Variants in TLN2 observed in about 807,000 individuals in gnomAD.
TLN2 encodes talin 2, also known as talin-2.
In TLN2, 118 loss-of-function variants were observed where a neutral mutation model predicts 294.7. The observed-to-expected ratio is 0.40, with a 90% CI of 0.34 to 0.47. TLN2 has a LOEUF of 0.47. Ranked by LOEUF, TLN2 falls within the 20% of genes least tolerant of loss-of-function variation. The pLI is 0.84. For missense variants in TLN2, 3,083 were observed against 3,282.2 expected (o/e 0.94, Z 1.48); for synonymous variants, 1,431 against 1,304.5 (o/e 1.10, Z -2.09).
Position 62,792,525 on chromosome 15 carries a change from T to C in TLN2, c.5737-116T>C, listed in dbSNP as rs375226580. On this transcript the variant is annotated intron_variant, in intron 45 of 58. Coordinates refer to ENST00000636159, the MANE Select transcript of TLN2 (RefSeq NM_015059.3). ...ACCAAACACAGACTCCTAATAGGAG[T>C]GGAATTTTCCTAGCCAGGCTCCCAT... The C allele has an allele frequency of 2.2e-5, 30 of 1,381,920 alleles. No homozygotes were observed. The African/African-American group carries it at 4.2e-4, about 19-fold the overall frequency. 85.6% of individuals were successfully genotyped at this position (1,381,920 alleles called of 1,614,324 possible).
At chr15:62,405,633 A>T (rs1219523792) in intron 1 of TLN2, among the ~76,000 whole-genome samples, 2 of 152,132 alleles carry the variant, frequency 1.3e-5, no homozygotes, top group Non-Finnish European at 2.9e-5. Flanking sequence ...GAGGGCTTTT[A>T]TGAGTCCTCT....
At chr15:62,790,411 C>T (rs886584711) in intron 45 of TLN2, among the ~76,000 whole-genome samples, 1 of 152,218 alleles carries the variant, frequency 6.6e-6, no homozygotes, top group Non-Finnish European at 1.5e-5. Context: ...GAGTAGAGCA[C>T]TGTGCTCAGG....
At chr15:62,582,584 T>G (rs948394580) in intron 1 of TLN2, among the ~76,000 whole-genome samples, 1 of 152,088 alleles carries the variant, frequency 6.6e-6, no homozygotes, top group Non-Finnish European at 1.5e-5. Context: ...GACGGCATTG[T>G]AGACATGTAA....
At chr15:62,729,092 AG>A (rs767360538) in intron 28 of TLN2, among the ~76,000 whole-genome samples, 14 of 152,220 alleles carry the variant, frequency 9.2e-5, no homozygotes, top group Non-Finnish European at 1.6e-4. Context: ...CTGATTGAAA[AG>A]GCTACTTTTT....
chr15:62,589,162 G>A (rs1240205694), intron 1 of TLN2, among the ~76,000 whole-genome samples: 1 of 152,044 alleles, frequency 6.6e-6, no homozygotes, highest in Non-Finnish European at 1.5e-5. Context: ...ATTGATTATA[G>A]TGCTTCTCTG....
intron 1 of TLN2, among the ~76,000 whole-genome samples, chr15:62,529,453 A>G (rs1021452242): frequency 6.6e-6 from 1 of 151,410 alleles, no homozygotes; most frequent in African/African-American, 2.4e-5. Flanking sequence ...GAGAACTCGT[A>G]TTGCAACTTT....
At chr15:62,742,154 T>G (rs180884911) in intron 32 of TLN2, among the ~76,000 whole-genome samples, 25 of 151,286 alleles carry the variant, frequency 1.7e-4, no homozygotes, top group Middle Eastern at 3.4e-3. Context: ...ACATTTTAAC[T>G]GCAAACAATA....
chr15:62,426,415 G>A (rs1156817640), intron 1 of TLN2, among the ~76,000 whole-genome samples: 1 of 152,230 alleles, frequency 6.6e-6, no homozygotes, highest in Non-Finnish European at 1.5e-5. Context: ...AGCCAGGTCT[G>A]TACCTCAGTG....
intron 1 of TLN2, among the ~76,000 whole-genome samples, chr15:62,460,343 G>A (rs1440570962): frequency 2.0e-5 from 3 of 148,568 alleles, no homozygotes; most frequent in South Asian, 2.2e-4. Context: ...TCAGCTCACC[G>A]CAACCTCCGC....
At chr15:62,407,036 A>G (rs779253429) in intron 1 of TLN2, among the ~76,000 whole-genome samples, 1 of 152,132 alleles carries the variant, frequency 6.6e-6, no homozygotes, top group African/African-American at 2.4e-5. Flanking sequence ...TGCATCTGAC[A>G]TGGAATGCTT....
intron 1 of TLN2, among the ~76,000 whole-genome samples, chr15:62,570,006 T>C (rs1220383287): frequency 6.6e-6 from 1 of 152,224 alleles, no homozygotes; most frequent in Non-Finnish European, 1.5e-5. Context: ...TGGTGATAAC[T>C]GTCCTCTCTC....
rs764248336 is a variant in TLN2, at chr15:62,582,246, A to ACACACCCCCC, written c.-237-7439_-237-7438insCACCCCCCCA. ...CACACACACACACACACACACACAC[A>ACACACCCCCC]CATTCATGCCTGACCCATTCCTGAC... On this transcript the variant is annotated intron_variant, in intron 1 of 58. Transcript: ENST00000636159. 3.4e-4 allele frequency among the ~76,000 whole-genome samples: 46 copies of ACACACCCCCC among 137,308 alleles called. 1 individual carries two copies. Among genetic ancestry groups the ACACACCCCCC allele is most frequent in the African/African-American group, 1.1e-3 (39 of 36,798 alleles). 90.1% of individuals were successfully genotyped at this position (137,308 alleles called of 152,430 possible). A position where few individuals can be genotyped will look rare whatever the true frequency, so the allele number is the denominator to read the frequency against.
At chr15:62,582,245 C>CACACACACACACACACACAT (rs1567138973) in intron 1 of TLN2, among the ~76,000 whole-genome samples, 1 of 144,668 alleles carries the variant, frequency 6.9e-6, no homozygotes, top group African/African-American at 2.6e-5. Context: ...CACACACACA[C>CACACACACACACACACACAT]ACATTCATGC....
rs116796506 is a variant in TLN2, at chr15:62,699,457, A to G, written c.1587+590A>G. Among the ~76,000 whole-genome samples the G allele has an allele frequency of 4.3e-3, 653 of 151,576 alleles. 9 individuals carry two copies. The highest frequency in any genetic ancestry group is 0.014 in the African/African-American group (563 of 41,268). ...CAACAAGATCTCAGGTGATGCCAAC[A>G]CTGCATGCCTGGGGACTGTGCTTTG... On this transcript the variant is annotated intron_variant, in intron 16 of 58. Transcript: ENST00000636159.
At chr15:62,631,370 C>T (rs1286708694) in intron 3 of TLN2, among the ~76,000 whole-genome samples, 1 of 152,204 alleles carries the variant, frequency 6.6e-6, no homozygotes, top group Non-Finnish European at 1.5e-5. Context: ...AAGATGCCTT[C>T]TCTTCTCTAG....
intron 14 of TLN2, 130 bp from the exon 15 acceptor site, chr15:62,697,554 CTCAG>C: frequency 6.6e-6 from 6 of 903,648 alleles, no homozygotes; most frequent in African/African-American, 1.7e-5. Context: ...ATTCCTGCTT[CTCAG>C]TCTGTATGTG....
rs556662354 is a variant in TLN2, at chr15:62,478,800, C to T, written c.-238+88115C>T. On this transcript the variant is annotated intron_variant, in intron 1 of 58. Transcript: ENST00000636159. ...TATTTCGTCTATTTTGTATTAGATACGCAGTTCTAGTGTCTTAGGTGTTTT... is the reference window on the plus strand; with the variant it reads ...TATTTCGTCTATTTTGTATTAGATATGCAGTTCTAGTGTCTTAGGTGTTTT... 1.1e-4 allele frequency among the ~76,000 whole-genome samples: 16 copies of T among 152,298 alleles called. No individual in the cohort carries two copies. The South Asian group carries it at 1.2e-3, about 12-fold the overall frequency.
intron 3 of TLN2, among the ~76,000 whole-genome samples, chr15:62,629,161 C>G (rs1212089979): frequency 6.6e-6 from 1 of 152,184 alleles, no homozygotes; most frequent in African/African-American, 2.4e-5. Context: ...CCACCACACT[C>G]CAGCCTGGGC....
At chr15:62,820,327 C>T (rs1035806965) in intron 53 of TLN2, among the ~76,000 whole-genome samples, 159 bp from the exon 54 acceptor site, 6 of 132,770 alleles carry the variant, frequency 4.5e-5, no homozygotes, top group Non-Finnish European at 9.5e-5. Context: ...CACCCCCATC[C>T]AGATGGCCTT....
Sources: allele counts gnomAD v4.1 joint callset (sites outside exome capture counted in the v4.1 genomes callset), GRCh38; gene constraint gnomAD v4.1.1; transcripts MANE v1.5; gene names NCBI Gene and HGNC (gene_info 2026-07-23, HGNC 2026-07-21).